The following PLEKHA5 variants were observed in gnomAD, a reference collection of about 807,000 sequenced individuals.
The protein encoded by PLEKHA5 is pleckstrin homology domain-containing family A member 5.
In PLEKHA5, 55 loss-of-function variants were observed where a neutral mutation model predicts 181.9. The observed-to-expected ratio is 0.30, with a 90% CI of 0.24 to 0.38. PLEKHA5 has a LOEUF of 0.38. Ranked by LOEUF, PLEKHA5 falls within the 10% of genes least tolerant of loss-of-function variation. The probability of loss-of-function intolerance (pLI) is 1.00; values close to 1 mark genes in which losing one functional copy is unlikely to be tolerated. For missense variants in PLEKHA5, 1,432 were observed against 1,549.5 expected, an observed-to-expected ratio of 0.92 and a Z score of 1.27; for synonymous variants, 535 against 529.4, an observed-to-expected ratio of 1.01 and a Z score of -0.15.
At chr12:19,259,687 G>A (rs925067639) in intron 6 of PLEKHA5, among the ~76,000 whole-genome samples, 7 of 151,422 alleles carry the variant, frequency 4.6e-5, no homozygotes, top group Admixed American at 2.0e-4. Flanking sequence ...GGAAGCAGAG[G>A]TTGCAGTGAG....
intron 3 of PLEKHA5, among the ~76,000 whole-genome samples, chr12:19,243,793 A>T (rs2063126781): frequency 6.6e-6 from 1 of 152,194 alleles, no homozygotes. Flanking sequence ...ACAGTCTTTG[A>T]GATTGCTAAC....
In PLEKHA5 at chr12:19,361,682, A is replaced by G. The variant is rs772103055; in HGVS notation, c.3584A>G (p.Lys1195Arg). 5 of 1,600,790 alleles carry G rather than the reference A, an allele frequency of 3.1e-6. No individual in the cohort carries two copies. Among genetic ancestry groups the G allele is most frequent in the Non-Finnish European group, 4.3e-6 (5 of 1,172,092 alleles). ...EMMDKERNKDKMPEDVTFSPQ... is the reference protein window; with the variant it reads ...EMMDKERNKDRMPEDVTFSPQ... ...ATGGATAAAGAAAGAAACAAAGACAAAATGCCTGAGGATGTTACATTCAGG... is the reference window on the plus strand; with the variant it reads ...ATGGATAAAGAAAGAAACAAAGACAGAATGCCTGAGGATGTTACATTCAGG... Residue 1195 changes from lysine (K) to arginine (R), a missense_variant, in exon 29 of 32, where the codon AAA becomes AGA. Physicochemically the swap from Lys to Arg is conservative, Grantham distance 26. Around this residue, in one of 2 missense-constraint regions of PLEKHA5, gnomAD observed 1,143 missense variants for 1,168.4 expected, o/e 0.98. Transcript: ENST00000429027.
intron 3 of PLEKHA5, among the ~76,000 whole-genome samples, chr12:19,162,699 T>A (rs1182086787): frequency 6.6e-6 from 1 of 152,190 alleles, no homozygotes; most frequent in Non-Finnish European, 1.5e-5. Context: ...TAAATTGATA[T>A]GGAACAAGTC....
intron 31 of PLEKHA5, among the ~76,000 whole-genome samples, chr12:19,370,415 T>G (rs2095545476): frequency 6.6e-6 from 1 of 152,212 alleles, no homozygotes; most frequent in Admixed American, 6.5e-5. Flanking sequence ...TGAGAATAGT[T>G]TCCTGAATTC....
At chr12:19,286,287 CA>C (rs1192195648) in intron 12 of PLEKHA5, among the ~76,000 whole-genome samples, 1 of 152,096 alleles carries the variant, frequency 6.6e-6, no homozygotes, top group Admixed American at 6.6e-5. Flanking sequence ...ACAAATAGAC[CA>C]AGTGGATATT....
At chr12:19,263,237 T>C (rs1359144333) in intron 7 of PLEKHA5, among the ~76,000 whole-genome samples, 1 of 152,180 alleles carries the variant, frequency 6.6e-6, no homozygotes, top group African/African-American at 2.4e-5. Flanking sequence ...AGATGCTCTA[T>C]TTTATCTAAC....
intron 3 of PLEKHA5, among the ~76,000 whole-genome samples, chr12:19,215,837 A>G (rs1263026576): frequency 1.3e-5 from 2 of 152,232 alleles, no homozygotes; most frequent in African/African-American, 4.8e-5. Context: ...TAAAATGGTA[A>G]TTTAACAACA....
intron 6 of PLEKHA5, among the ~76,000 whole-genome samples, chr12:19,257,941 AT>A (rs1363552745): frequency 4.6e-5 from 7 of 151,844 alleles, no homozygotes; most frequent in South Asian, 2.1e-4. Flanking sequence ...ACAGTTGTAT[AT>A]TTCCCCCCTT....
intron 15 of PLEKHA5, among the ~76,000 whole-genome samples, chr12:19,313,470 T>C (rs1177617446): frequency 6.6e-6 from 1 of 152,194 alleles, no homozygotes; most frequent in African/African-American, 2.4e-5. Flanking sequence ...AGGTTGGTGG[T>C]AAAGTAACAT....
chr12:19,269,352 A>C (rs918327368), intron 8 of PLEKHA5, among the ~76,000 whole-genome samples: 1 of 147,088 alleles, frequency 6.8e-6, no homozygotes, highest in East Asian at 2.0e-4. Flanking sequence ...GCTCCACTGC[A>C]CTCCAACCTG....
chr12:19,221,604 A>T (rs1329324537), intron 3 of PLEKHA5, among the ~76,000 whole-genome samples: 1 of 152,160 alleles, frequency 6.6e-6, no homozygotes, highest in Non-Finnish European at 1.5e-5. Context: ...CACAAAAAGT[A>T]AAACCCGACC....
At position 19,331,388 on chromosome 12, in the gene PLEKHA5, G is replaced by A. The variant is rs1378762065; in HGVS notation, c.2449-5127G>A. 2.0e-5 allele frequency among the ~76,000 whole-genome samples: 3 copies of A among 152,166 alleles called. No homozygotes were observed. In the East Asian group the frequency reaches 5.8e-4, roughly 29 times the overall value. ...TTTTTTTAAATAGAATTTTTTTGTA[G>A]AGATGAGATCTCCCTATGTTGCCCA... On this transcript the variant is annotated intron_variant, in intron 20 of 31. Transcript: ENST00000429027.
intron 3 of PLEKHA5, among the ~76,000 whole-genome samples, chr12:19,167,908 G>A (rs1366912819): frequency 6.6e-6 from 1 of 152,034 alleles, no homozygotes; most frequent in African/African-American, 2.4e-5. Context: ...CCTTCCATAA[G>A]TCACCCCTGG....
intron 10 of PLEKHA5, 118 bp downstream of exon 10, chr12:19,270,323 T>C (rs1454686398): frequency 1.9e-6 from 1 of 520,678 alleles, no homozygotes; most frequent in African/African-American, 2.0e-5. Flanking sequence ...ATTTGTGTTT[T>C]TCTGTAATAG....
At chr12:19,211,466 C>G (rs2056884401) in intron 3 of PLEKHA5, among the ~76,000 whole-genome samples, 1 of 152,042 alleles carries the variant, frequency 6.6e-6, no homozygotes, top group African/African-American at 2.4e-5. Context: ...GTGATGGGAC[C>G]ACAAGCCAAG....
intron 3 of PLEKHA5, among the ~76,000 whole-genome samples, chr12:19,140,814 A>G (rs968555485): frequency 9.2e-5 from 14 of 152,152 alleles, no homozygotes; most frequent in Admixed American, 2.0e-4. Context: ...TTGGAGACAG[A>G]GTCTCGCTCT....
At chr12:19,142,451 A>T (rs1417617504) in intron 3 of PLEKHA5, among the ~76,000 whole-genome samples, 1 of 152,214 alleles carries the variant, frequency 6.6e-6, no homozygotes, top group South Asian at 2.1e-4. Flanking sequence ...TTGAAAAGAA[A>T]TAACTCCTTG....
chr12:19,192,075 A>G (rs2051276893), intron 3 of PLEKHA5, among the ~76,000 whole-genome samples: 1 of 152,194 alleles, frequency 6.6e-6, no homozygotes, highest in Non-Finnish European at 1.5e-5. Flanking sequence ...GCTTGCTACC[A>G]TACTTTAAAA....
At chr12:19,302,711 T>C (rs2081898077) in intron 15 of PLEKHA5, among the ~76,000 whole-genome samples, 2 of 152,008 alleles carry the variant, frequency 1.3e-5, no homozygotes, top group Non-Finnish European at 2.9e-5. Flanking sequence ...GGTGTAGAAT[T>C]TTTAGACCTG....
Sources: allele counts gnomAD v4.1 joint callset (sites outside exome capture counted in the v4.1 genomes callset), GRCh38; gene constraint gnomAD v4.1.1; regional missense constraint gnomAD v4.1.1; transcripts MANE v1.5; gene names NCBI Gene and HGNC (gene_info 2026-07-23, HGNC 2026-07-21).